Variants in CFAP69 observed in about 807,000 individuals in gnomAD.
The protein encoded by CFAP69 is cilia- and flagella-associated protein 69.
Under a neutral mutation model 123.0 loss-of-function variants are expected in CFAP69, and 92 were observed. That is an observed-to-expected ratio of 0.75 (90% CI 0.63 to 0.89). CFAP69 has a LOEUF of 0.89. CFAP69 is among the 40% of genes least tolerant of loss of function. CFAP69 has a pLI of 0.00. For synonymous variants in CFAP69, 380 were observed against 364.3 expected (o/e 1.04, Z -0.49); for missense variants, 1,067 against 1,096.9 (o/e 0.97, Z 0.39).
chr7:90,245,673 G>A, intron 1 of CFAP69, 129 bp downstream of exon 1: 1 of 1,215,388 alleles, frequency 8.2e-7, no homozygotes, highest in Non-Finnish European at 1.1e-6. Context: ...CCGCGGGATG[G>A]AGATTCCAAG....
chr7:90,307,868 T>C lies in CFAP69; in HGVS notation c.2550+14T>C, dbSNP rs1183432691. 6.5e-7 allele frequency: 1 copy of C among 1,527,852 alleles called. No individual in the cohort carries two copies. The highest frequency in any genetic ancestry group is 2.3e-5 in the East Asian group (1 of 44,308). 94.6% of individuals were successfully genotyped at this position (1,527,852 alleles called of 1,614,324 possible). A position where few individuals can be genotyped will look rare whatever the true frequency, so the allele number is the denominator to read the frequency against. ...AAAACGTTAAAGGTAGGATTTTTAA[T>C]GTATTATAGTATCCACAACAAATAG... On this transcript the variant is annotated intron_variant, in intron 21 of 22. Transcript: ENST00000389297.
At chr7:90,305,339 T>TAA (rs1214395186) in intron 19 of CFAP69, among the ~76,000 whole-genome samples, 3 of 65,322 alleles carry the variant, frequency 4.6e-5, no homozygotes, top group East Asian at 3.6e-4. Flanking sequence ...AGACTCCGTC[T>TAA]AAAAAAAAAA....
chr7:90,264,770 G>C (rs1798901112), intron 4 of CFAP69, among the ~76,000 whole-genome samples: 1 of 151,452 alleles, frequency 6.6e-6, no homozygotes, highest in South Asian at 2.1e-4. Context: ...TTTTCTTTTT[G>C]GTCAGTTCAT....
intron 14 of CFAP69, among the ~76,000 whole-genome samples, chr7:90,287,122 G>C (rs981047577): frequency 1.3e-5 from 2 of 149,038 alleles, no homozygotes; most frequent in Admixed American, 6.7e-5. Flanking sequence ...ATATATCCAT[G>C]TCATTGCATG....
intron 13 of CFAP69, among the ~76,000 whole-genome samples, chr7:90,285,025 G>A (rs978613856): frequency 6.6e-6 from 1 of 152,134 alleles, no homozygotes; most frequent in Non-Finnish European, 1.5e-5. Flanking sequence ...AGGAGTTGAA[G>A]GGTACATAAA....
chr7:90,298,511 A>G (rs569491882), intron 16 of CFAP69, among the ~76,000 whole-genome samples: 1 of 152,320 alleles, frequency 6.6e-6, no homozygotes, highest in East Asian at 1.9e-4. Flanking sequence ...CCGTGATTCT[A>G]TGATTGCCAC....
At chr7:90,250,362 A>T (rs1796866313) in intron 1 of CFAP69, among the ~76,000 whole-genome samples, 1 of 152,318 alleles carries the variant, frequency 6.6e-6, no homozygotes, top group East Asian at 1.9e-4. Flanking sequence ...GTTAGGTCCC[A>T]GGGCCTCAGT....
At chr7:90,302,308 A>C (rs1792925473) in intron 17 of CFAP69, 1 of 152,188 alleles carries the variant, frequency 6.6e-6, no homozygotes, top group African/African-American at 2.4e-5. Flanking sequence ...TTTACTGTGC[A>C]GAAGTTCTTA....
At chr7:90,306,605 A>G (rs1032188877) in intron 19 of CFAP69, among the ~76,000 whole-genome samples, 1 of 152,206 alleles carries the variant, frequency 6.6e-6, no homozygotes, top group African/African-American at 2.4e-5. Flanking sequence ...GCAGCTGTGA[A>G]ATCAAGGTAA....
chr7:90,279,691 C>T lies in CFAP69; in HGVS notation c.1170C>T (p.Gly390=). The change falls in exon 12 of 23, where the codon GGC becomes GGT. Residue 390 remains glycine (G), a synonymous_variant. Coordinates refer to ENST00000389297, the MANE Select transcript of CFAP69 (RefSeq NM_001039706.3). The part of the protein sequence containing the change: ...DLPTVQLLID[G]KVILALFTYV... ...CTTTCTCACAGCTATTAATTGATGG[C>T]AAAGTTATTTTGGCTTTGTTTACCT... The T allele has an allele frequency of 6.3e-7, 1 of 1,599,890 alleles. No homozygotes were observed. The highest frequency in any genetic ancestry group is 8.5e-7 in the Non-Finnish European group (1 of 1,174,960).
chr7:90,309,200 T>C (rs1794017341), intron 21 of CFAP69, 63 bp from the exon 22 acceptor site: 8 of 768,980 alleles, frequency 1.0e-5, no homozygotes, highest in Non-Finnish European at 1.7e-5. Flanking sequence ...TTTTTCATTG[T>C]AAGTACCATC....
At chr7:90,256,541 T>G (rs1448784141) in intron 2 of CFAP69, among the ~76,000 whole-genome samples, 1 of 151,860 alleles carries the variant, frequency 6.6e-6, no homozygotes, top group Admixed American at 6.6e-5. Flanking sequence ...AAAAAAAAAT[T>G]TTTAAGTAAG....
chr7:90,271,416 A>G, intron 6 of CFAP69, 110 bp from the exon 7 acceptor site: 1 of 1,163,336 alleles, frequency 8.6e-7, no homozygotes, highest in Non-Finnish European at 1.2e-6. Context: ...AATTCCATAT[A>G]CTTTTAAAAA....
chr7:90,247,048 C>G (rs563854308), intron 1 of CFAP69, among the ~76,000 whole-genome samples: 2 of 152,216 alleles, frequency 1.3e-5, no homozygotes, highest in African/African-American at 4.8e-5. Context: ...ATTACTAATT[C>G]TAAGAGTAGT....
At chr7:90,249,920 A>G (rs964649029) in intron 1 of CFAP69, among the ~76,000 whole-genome samples, 4 of 152,232 alleles carry the variant, frequency 2.6e-5, no homozygotes, top group Admixed American at 2.0e-4. Flanking sequence ...CCTTGCTCAA[A>G]TTTGCTCTCC....
At chr7:90,316,276 G>C in the CFAP69 span, among the ~76,000 whole-genome samples, 1 of 152,114 alleles carries the variant, frequency 6.6e-6, no homozygotes, top group Non-Finnish European at 1.5e-5. Context: ...TAAGCCAAAT[G>C]AGCTCAGCAT....
rs760971577 is a variant in CFAP69, at chr7:90,279,891, A to C, written c.1370A>C (p.Glu457Ala). The C allele has an allele frequency of 6.3e-7, 1 of 1,578,786 alleles. No individual in the cohort carries two copies. Among genetic ancestry groups the C allele is most frequent in the Admixed American group, 1.9e-5 (1 of 51,718 alleles). ...VLAFLEWCES[E>A]DPFFSHGNSF... Reference sequence around the variant, plus strand: ...GCATTTCTAGAATGGTGTGAGAGTGAAGGTGAGTGGCCCTTCAAGATTCTT... The same window carrying C: ...GCATTTCTAGAATGGTGTGAGAGTGCAGGTGAGTGGCCCTTCAAGATTCTT... The change falls in exon 12 of 23, where the codon GAA (glutamate) becomes GCA (alanine). Residue 457 changes from glutamate (E) to alanine (A), a missense_variant and splice_region_variant. Transcript: ENST00000389297.
At chr7:90,307,146 A>G in intron 20 of CFAP69, 48 bp downstream of exon 20, 1 of 1,385,220 alleles carries the variant, frequency 7.2e-7, no homozygotes, top group Non-Finnish European at 1.0e-6. Flanking sequence ...AGGTTGGTTA[A>G]TGGGCACAAA....
intron 20 of CFAP69, 70 bp from the exon 21 acceptor site, chr7:90,307,698 A>G (rs1410711192): frequency 2.1e-6 from 2 of 941,512 alleles, no homozygotes; most frequent in African/African-American, 1.7e-5. Context: ...TGGGTGACAG[A>G]GTGAGGTTCT....
Sources: gnomAD v4.1 joint callset for allele counts (sites outside exome capture counted in the v4.1 genomes callset) on GRCh38, gnomAD v4.1.1 for gene constraint, MANE v1.5 for transcripts, NCBI Gene and HGNC (gene_info 2026-07-23, HGNC 2026-07-21) for gene names.